The following PKHD1 variants were observed in gnomAD, a reference collection of about 807,000 sequenced individuals.
PKHD1 encodes the protein PKHD1 ciliary IPT domain containing fibrocystin/polyductin.
A neutral mutation model predicts 412.0 loss-of-function variants in PKHD1; 291 were observed. That is an observed-to-expected ratio of 0.71 (90% CI 0.64 to 0.78). PKHD1 has a LOEUF of 0.78. Ranked by LOEUF, PKHD1 falls within the 30% of genes least tolerant of loss-of-function variation. PKHD1 has a pLI of 0.00. For synonymous variants in PKHD1, 1,777 were observed against 1,821.5 expected (o/e 0.98, Z 0.62); for missense variants, 4,825 against 4,950.7 (o/e 0.97, Z 0.76).
At chr6:51,706,481 T>A (rs1181543098) in intron 60 of PKHD1, among the ~76,000 whole-genome samples, 14 of 140,944 alleles carry the variant, frequency 9.9e-5, no homozygotes, top group African/African-American at 1.1e-4. Context: ...TCTCCCATGG[T>A]AAAAAAAAAA....
intron 50 of PKHD1, among the ~76,000 whole-genome samples, chr6:51,845,990 T>A (rs1285569466): frequency 6.6e-6 from 1 of 152,190 alleles, no homozygotes; most frequent in Non-Finnish European, 1.5e-5. Flanking sequence ...AGAATACATA[T>A]CAAGTGAATA....
Position 51,754,980 on chromosome 6 carries a change from A to G in PKHD1, c.8643-42T>C, listed in dbSNP as rs1370345495. On this transcript the variant is annotated intron_variant, in intron 55 of 66. Coordinates refer to ENST00000371117, the MANE Select transcript of PKHD1 (RefSeq NM_138694.4). ...ATGGCATTGGATATACTAACAGTGC[A>G]GCACAAATCATCTATTAACTCCAGA... 2.0e-6 allele frequency: 3 copies of G among 1,518,546 alleles called. No individual in the cohort carries two copies. The South Asian group carries it at 3.4e-5, about 17-fold the overall frequency. 94.1% of individuals were successfully genotyped at this position (1,518,546 alleles called of 1,614,324 possible). A position where few individuals can be genotyped will look rare whatever the true frequency, so the allele number is the denominator to read the frequency against.
chr6:51,722,158 T>G, intron 60 of PKHD1: 69 of 1,381,656 alleles, frequency 5.0e-5, no homozygotes, highest in African/African-American at 7.2e-5. Flanking sequence ...CCGAGCTCTT[T>G]ACTCATGCCC....
At chr6:51,936,766 A>G (rs1787552001) in intron 36 of PKHD1, among the ~76,000 whole-genome samples, 1 of 126,592 alleles carries the variant, frequency 7.9e-6, no homozygotes, top group South Asian at 2.8e-4. Context: ...ACATTAAAAC[A>G]GAGACATTAA....
chr6:51,837,783 TC>T (rs1769498962), intron 50 of PKHD1, among the ~76,000 whole-genome samples: 1 of 152,086 alleles, frequency 6.6e-6, no homozygotes, highest in Admixed American at 6.5e-5. Context: ...CCCAAAGAGA[TC>T]CATGATGAGA....
intron 60 of PKHD1, among the ~76,000 whole-genome samples, chr6:51,677,134 T>A (rs752395588): frequency 2.5e-4 from 38 of 152,194 alleles, no homozygotes; most frequent in Non-Finnish European, 5.1e-4. Context: ...ACAATTATAA[T>A]AGTTATTATT....
At chr6:51,810,383 A>G (rs1363123171) in intron 52 of PKHD1, among the ~76,000 whole-genome samples, 2 of 152,126 alleles carry the variant, frequency 1.3e-5, no homozygotes, top group East Asian at 3.9e-4. Context: ...ACAACAAAAA[A>G]CAGGAAATGC....
At chr6:51,934,654 GA>G (rs11324724) in intron 36 of PKHD1, among the ~76,000 whole-genome samples, 105,666 of 149,854 alleles carry the variant, frequency 0.71, 37,504 homozygotes, top group East Asian at 0.94. Flanking sequence ...ATAAAATTAA[GA>G]AAAAAAAAAA....
rs1802108078 is a variant in PKHD1, at chr6:52,025,965, G to A, written c.3845C>T (p.Pro1282Leu). 6.2e-7 allele frequency: 1 copy of A among 1,614,026 alleles called. No homozygotes were observed. The highest frequency in any genetic ancestry group is 8.5e-7 in the Non-Finnish European group (1 of 1,180,040). Residue 1282 changes from proline (P) to leucine (L), a missense_variant, in exon 32 of 67, where the codon CCT (proline) becomes CTT (leucine). Physicochemically the swap from Pro to Leu is moderately conservative, Grantham distance 98. Transcript: ENST00000371117. ...GCCTTTCCCCACCAAGCTTGGTGAA[G>A]GACCACGGGCGAAGAACCTGTTGCC... ...WAGNRFFARG[P>L]SPSLVGKGFT...
intron 37 of PKHD1, among the ~76,000 whole-genome samples, chr6:51,924,270 G>A (rs561222370): frequency 8.6e-4 from 131 of 152,168 alleles, no homozygotes; most frequent in Non-Finnish European, 1.5e-3. Context: ...TGAGTTTCTT[G>A]TGGTACTCAA....
intron 41 of PKHD1, 27 bp downstream of exon 41, chr6:51,906,188 G>A: frequency 6.2e-7 from 1 of 1,600,406 alleles, no homozygotes; most frequent in Non-Finnish European, 8.6e-7. Flanking sequence ...CAAGAATGCA[G>A]AAATTCAACA....
Position 52,050,208 on chromosome 6 carries a change from A to T in PKHD1, c.2228T>A (p.Val743Asp). ...SVVGSPPVYS[V>D]TSWLAGCGTE... Reference sequence around the variant, plus strand: ...GCCACACCCCGCCAGCCAGGAGGTGACACTGTAGACCGGAGGGGATCCCAC... The same window carrying T: ...GCCACACCCCGCCAGCCAGGAGGTGTCACTGTAGACCGGAGGGGATCCCAC... Residue 743 changes from valine to aspartate, a missense_variant, in exon 22 of 67, where the codon GTC (valine) becomes GAC (aspartate). Val to Asp is a radical substitution (Grantham distance 152). Transcript: ENST00000371117. 1 of 1,614,200 alleles carries T rather than the reference A, an allele frequency of 6.2e-7. No individual in the cohort carries two copies. Among genetic ancestry groups the T allele is most frequent in the Non-Finnish European group, 8.5e-7 (1 of 1,180,014 alleles).
At chr6:52,040,843 G>C (rs1035522435) in intron 27 of PKHD1, among the ~76,000 whole-genome samples, 1 of 152,016 alleles carries the variant, frequency 6.6e-6, no homozygotes, top group Non-Finnish European at 1.5e-5. Flanking sequence ...TTCCCTTCTT[G>C]ATTTTTATCC....
chr6:51,715,691 A>T (rs1007834875), intron 60 of PKHD1, among the ~76,000 whole-genome samples: 1 of 152,164 alleles, frequency 6.6e-6, no homozygotes, highest in African/African-American at 2.4e-5. Context: ...ACCACTTGGG[A>T]GGACATGGGA....
In PKHD1 at chr6:52,059,955, G is replaced by A; in HGVS notation, c.1206C>T (p.Phe402=). 1.3e-6 allele frequency: 2 copies of A among 1,594,142 alleles called. No individual in the cohort carries two copies. The highest frequency in any genetic ancestry group is 1.7e-6 in the Non-Finnish European group (2 of 1,161,760). Residue 402 remains phenylalanine, a synonymous_variant, in exon 15 of 67, where the codon TTC becomes TTT. Transcript: ENST00000371117. ...TAGTCCTTGGTTCCTCTGACCAACT[G>A]AAATGCAAGGAAGCTTGGCTATCTG... ...IQADSQASLH[F]SWSEEPRTKV...
intron 60 of PKHD1, among the ~76,000 whole-genome samples, chr6:51,714,963 A>G (rs1173802237): frequency 6.6e-6 from 1 of 151,976 alleles, no homozygotes; most frequent in Non-Finnish European, 1.5e-5. Flanking sequence ...TATTTCCAAT[A>G]TTTTATTGGA....
In PKHD1 at chr6:52,066,088, T is replaced by TAAAAAAAAAA. The variant is rs5876252; in HGVS notation, c.779-21_779-12dup. On this transcript the variant is annotated splice_polypyrimidine_tract_variant and intron_variant, in intron 11 of 66. Transcript: ENST00000371117. ...ACACAGATAATATTTCTGCAAGAGT[T>TAAAAAAAAAA]AAAAAAAAAAAAAAGTAAGCTTCCA... The TAAAAAAAAAA allele has an allele frequency of 1.1e-6, 1 of 905,132 alleles. No homozygotes were observed. 56.1% of individuals were successfully genotyped at this position (905,132 alleles called of 1,614,324 possible). A position where few individuals can be genotyped will look rare whatever the true frequency, so the allele number is the denominator to read the frequency against.
intron 54 of PKHD1, 147 bp downstream of exon 54, chr6:51,775,661 T>C: frequency 1.7e-6 from 1 of 586,776 alleles, no homozygotes. Context: ...ACAAGAGAGC[T>C]GGTAAGTGAA....
rs764369810 is a variant in PKHD1 at position 51,659,606 on chromosome 6, T to C, written c.10520A>G (p.His3507Arg). 4 of 1,613,664 alleles carry C rather than the reference T, an allele frequency of 2.5e-6. No individual in the cohort carries two copies. In the South Asian group the frequency reaches 4.4e-5, roughly 18 times the overall value. The change falls in exon 61 of 67, where the codon CAC becomes CGC. Residue 3507 changes from histidine to arginine, a missense_variant. By Grantham distance (29) the His-to-Arg change is conservative. Transcript: ENST00000371117. Reference sequence around the variant, plus strand: ...AATAAAACTTTCCCCTAAGAAGACGTGGGGGCTCTGGAGCTCATGGTAGAA... The same window carrying C: ...AATAAAACTTTCCCCTAAGAAGACGCGGGGGCTCTGGAGCTCATGGTAGAA... ...AVFYHELQSP[H>R]VFLGESFIPP...
Sources: allele counts gnomAD v4.1 joint callset (sites outside exome capture counted in the v4.1 genomes callset), GRCh38; gene constraint gnomAD v4.1.1; transcripts MANE v1.5; gene names NCBI Gene and HGNC (gene_info 2026-07-23, HGNC 2026-07-21).